MTFMT: variants seen among roughly 807,000 people sequenced by gnomAD.
MTFMT encodes the protein methionyl-tRNA formyltransferase, mitochondrial.
MTFMT carries 47 observed loss-of-function variants against 51.8 expected under a neutral mutation model. The ratio of observed to expected loss-of-function variants is 0.91; its 90% CI spans 0.72 to 1.16. The LOEUF (loss-of-function observed/expected upper bound fraction) is 1.16, where lower values mean the gene tolerates loss of function less well. MTFMT is among the 50% of genes most tolerant of loss of function. The pLI, the probability that MTFMT is intolerant of heterozygous loss-of-function variation, is 0.00. For missense variants in MTFMT, 512 were observed against 482.3 expected, an observed-to-expected ratio of 1.06 and a Z score of -0.58; for synonymous variants, 196 against 176.7, an observed-to-expected ratio of 1.11 and a Z score of -0.87.
In MTFMT at chr15:65,023,731, A is replaced by G; in HGVS notation, c.483T>C (p.His161=). Residue 161 remains histidine, a synonymous_variant, in exon 3 of 9, where the codon CAT becomes CAC. Coordinates refer to ENST00000220058, the MANE Select transcript of MTFMT (RefSeq NM_139242.4). ...TAACTGTGTCTCCGTGAAGCACTGT[A>G]TGGATTACAGGGGCTGGGCCACGCC... is the stretch of plus-strand genomic sequence containing the variant. ...PRWRGPAPVI[H]TVLHGDTVTG... is the part of the protein sequence containing the mutation. 1 of 1,613,782 alleles carries G rather than the reference A, an allele frequency of 6.2e-7. No individual in the cohort carries two copies. Among genetic ancestry groups the G allele is most frequent in the East Asian group, 2.2e-5 (1 of 44,870 alleles).
chr15:65,011,495 T>A (rs2086266254), intron 6 of MTFMT, among the ~76,000 whole-genome samples: 2 of 61,570 alleles, frequency 3.2e-5, no homozygotes, highest in Non-Finnish European at 4.5e-5. Flanking sequence ...CTTTTTTTTT[T>A]TTTTTTTTTT....
At chr15:65,022,705 A>ATTTTT (rs35591836) in intron 3 of MTFMT, among the ~76,000 whole-genome samples, 1 of 134,684 alleles carries the variant, frequency 7.4e-6, no homozygotes. Context: ...CATCATTCAG[A>ATTTTT]TTTTTTTTTT....
At chr15:65,012,129 C>A (rs1595889371) in intron 6 of MTFMT, among the ~76,000 whole-genome samples, 2 of 58,704 alleles carry the variant, frequency 3.4e-5, no homozygotes, top group African/African-American at 1.4e-4. Flanking sequence ...GCACTCTTGT[C>A]AAAAAAAAAA....
At chr15:65,013,210 G>A (rs1035254094) in intron 6 of MTFMT, among the ~76,000 whole-genome samples, 5 of 152,036 alleles carry the variant, frequency 3.3e-5, no homozygotes, top group Admixed American at 2.6e-4. Flanking sequence ...TTAACTTTGA[G>A]AGCGCAGACA....
chr15:65,029,374 G>A, intron 1 of MTFMT, 31 bp downstream of exon 1: 1 of 1,427,966 alleles, frequency 7.0e-7, no homozygotes, highest in Non-Finnish European at 9.2e-7. Flanking sequence ...GGCCTTCAGC[G>A]GCCGGGTCCC....
rs1258829548 is a variant in MTFMT at position 65,027,411 on chromosome 15, C to A, written c.210-371G>T. Among the ~76,000 whole-genome samples, 3 of 152,134 alleles carry A rather than the reference C, an allele frequency of 2.0e-5. No homozygotes were observed. In the South Asian group the frequency reaches 6.2e-4, roughly 32 times the overall value. On this transcript the variant is annotated intron_variant, in intron 1 of 8. Transcript: ENST00000220058. ...GCAGGGTTTCCCCATGTTGGCCAGG[C>A]TGGTCTCCAACTCCTGACCTCAAGT...
At chr15:65,027,118 T>C (rs2086432223) in intron 1 of MTFMT, 78 bp from the exon 2 acceptor site, 5 of 1,003,778 alleles carry the variant, frequency 5.0e-6, no homozygotes, top group Non-Finnish European at 7.7e-6. Context: ...TATCGCTAAG[T>C]ATGTTTATGA....
At chr15:65,006,412 G>C (rs1289020274) in intron 6 of MTFMT, among the ~76,000 whole-genome samples, 1 of 133,800 alleles carries the variant, frequency 7.5e-6, no homozygotes, top group Admixed American at 8.2e-5. Context: ...GAGTCTCGTT[G>C]TGTCACCAGG....
At chr15:65,009,336 T>C (rs1261553567) in intron 6 of MTFMT, among the ~76,000 whole-genome samples, 1 of 152,214 alleles carries the variant, frequency 6.6e-6, no homozygotes, top group Non-Finnish European at 1.5e-5. Context: ...ACTTGATATC[T>C]CCATATGAAC....
intron 2 of MTFMT, among the ~76,000 whole-genome samples, chr15:65,024,119 G>C (rs1323224746): frequency 6.6e-6 from 1 of 152,136 alleles, no homozygotes; most frequent in Non-Finnish European, 1.5e-5. Flanking sequence ...TTGAGATCGG[G>C]AGTTTGAGAC....
intron 5 of MTFMT, among the ~76,000 whole-genome samples, chr15:65,018,707 G>A (rs1396070178): frequency 6.6e-6 from 1 of 152,202 alleles, no homozygotes; most frequent in Non-Finnish European, 1.5e-5. Context: ...CTAGTGGGAA[G>A]TGAAGAGTGT....
chr15:65,002,155 T>C lies in MTFMT; in HGVS notation c.*907A>G, dbSNP rs1009610316. 1.3e-5 allele frequency: 2 copies of C among 151,994 alleles called. No homozygotes were observed. The highest frequency in any genetic ancestry group is 2.4e-5 in the African/African-American group (1 of 41,376). 9.4% of individuals were successfully genotyped at this position (151,994 alleles called of 1,614,324 possible). ...GGCTCACAGCTGTAATCCCAGCACTTTGGGAGGCCAAGGCGGGTGGATCAC... is the reference window on the plus strand; with the variant it reads ...GGCTCACAGCTGTAATCCCAGCACTCTGGGAGGCCAAGGCGGGTGGATCAC... On this transcript the variant is annotated 3_prime_UTR_variant, in exon 9 of 9. Transcript: ENST00000220058.
chr15:65,008,044 G>T (rs1030473649), intron 6 of MTFMT, among the ~76,000 whole-genome samples: 14 of 152,156 alleles, frequency 9.2e-5, no homozygotes, highest in Middle Eastern at 3.4e-3. Context: ...TTATTCAGTT[G>T]TGCTTTTTTA....
Position 65,027,017 on chromosome 15 carries a change from A to G in MTFMT, c.233T>C (p.Ile78Thr), listed in dbSNP as rs1340954504. Reference sequence around the variant, plus strand: ...CATTGTGACCACCTCCAGTTTGTCGATTAACTCTTCTTCTTTGTTTTCCCT... The same window carrying G: ...CATTGTGACCACCTCCAGTTTGTCGGTTAACTCTTCTTCTTTGTTTTCCCT... ...AARENKEEEL[I>T]DKLEVVTMPS... Residue 78 changes from isoleucine (I) to threonine (T), a missense_variant, in exon 2 of 9, where the codon ATC becomes ACC. Coordinates refer to ENST00000220058, the MANE Select transcript of MTFMT (RefSeq NM_139242.4). The G allele has an allele frequency of 6.2e-7, 1 of 1,613,850 alleles. No homozygotes were observed. Among genetic ancestry groups the G allele is most frequent in the Admixed American group, 1.7e-5 (1 of 59,994 alleles).
chr15:65,022,728 A>G (rs1015621440), intron 3 of MTFMT, among the ~76,000 whole-genome samples: 6 of 143,014 alleles, frequency 4.2e-5, no homozygotes, highest in Non-Finnish European at 9.0e-5. Context: ...TTTTTTTGAG[A>G]CAGGTTCTTG....
chr15:65,020,526 G>A (rs1340572265), intron 4 of MTFMT, among the ~76,000 whole-genome samples: 1 of 152,332 alleles, frequency 6.6e-6, no homozygotes, highest in Non-Finnish European at 1.5e-5. Context: ...CCTCAGTAGA[G>A]ATTCTGCTTT....
In MTFMT at chr15:65,002,523, A is replaced by G. The variant is rs1252222469; in HGVS notation, c.*539T>C. 3 of 152,248 alleles carry G rather than the reference A, an allele frequency of 2.0e-5. No individual in the cohort carries two copies. Among genetic ancestry groups the G allele is most frequent in the African/African-American group, 7.2e-5 (3 of 41,458 alleles). 9.4% of individuals were successfully genotyped at this position (152,248 alleles called of 1,614,324 possible). A position where few individuals can be genotyped will look rare whatever the true frequency, so the allele number is the denominator to read the frequency against. ...AATCTCCTTGAGTTTCGTATCATAA[A>G]TACAAGTTTTATTTAAACTTTTTTG... is the stretch of plus-strand genomic sequence containing the variant. On this transcript the variant is annotated 3_prime_UTR_variant, in exon 9 of 9. Coordinates refer to ENST00000220058, the MANE Select transcript of MTFMT (RefSeq NM_139242.4).
In MTFMT at chr15:65,023,755, C is replaced by A. The variant is rs771725115; in HGVS notation, c.459G>T (p.Trp153Cys). 1.2e-5 allele frequency: 19 copies of A among 1,612,970 alleles called. No individual in the cohort carries two copies. The highest frequency in any genetic ancestry group is 1.4e-5 in the Non-Finnish European group (16 of 1,179,456). ...LNVHPSCLPR[W>C]RGPAPVIHTV... ...TATGGATTACAGGGGCTGGGCCACGCCATCTCGGGAGGCAACTGGGATGAA... is the reference window on the plus strand; with the variant it reads ...TATGGATTACAGGGGCTGGGCCACGACATCTCGGGAGGCAACTGGGATGAA... The change falls in exon 3 of 9, where the codon TGG (tryptophan) becomes TGT (cysteine). Residue 153 changes from tryptophan (W) to cysteine (C), a missense_variant. By Grantham distance (215) the Trp-to-Cys change is radical. Coordinates refer to ENST00000220058, the MANE Select transcript of MTFMT (RefSeq NM_139242.4).
Position 65,003,206 on chromosome 15 carries a change from A to T in MTFMT, c.1026T>A (p.Ala342=). The T allele has an allele frequency of 3.1e-6, 5 of 1,613,820 alleles. No homozygotes were observed. The highest frequency in any genetic ancestry group is 4.2e-6 in the Non-Finnish European group (5 of 1,179,800). ...GCAAATATCCATTGTAGAAGTCAGTAGCTGTTAGTGATTTCTTGAGCATCA... is the reference window on the plus strand; with the variant it reads ...GCAAATATCCATTGTAGAAGTCAGTTGCTGTTAGTGATTTCTTGAGCATCA... ...RSVMLKKSLT[A]TDFYNGYLHP... is the part of the protein sequence containing the mutation. The change falls in exon 9 of 9, where the codon GCT becomes GCA. Residue 342 remains alanine, a synonymous_variant. Transcript: ENST00000220058.
Sources: allele counts gnomAD v4.1 joint callset (sites outside exome capture counted in the v4.1 genomes callset), GRCh38; gene constraint gnomAD v4.1.1; transcripts MANE v1.5; gene names NCBI Gene and HGNC (gene_info 2026-07-23, HGNC 2026-07-21).